Variants in EPHA10 observed in about 807,000 individuals in gnomAD.
EPHA10 encodes ephrin type-A receptor 10.
Under a neutral mutation model 109.7 loss-of-function variants are expected in EPHA10, and 120 were observed. The ratio of observed to expected loss-of-function variants is 1.09; its 90% confidence interval spans 0.94 to 1.27. The LOEUF (loss-of-function observed/expected upper bound fraction) is 1.27, where lower values mean the gene tolerates loss of function less well. Among genes scored for constraint, EPHA10 ranks in the 50% most tolerant of loss-of-function variants. The pLI is 0.00. For synonymous variants in EPHA10, 640 were observed against 618.9 expected, an observed-to-expected ratio of 1.03 and a Z score of -0.51; for missense variants, 1,396 against 1,411.1, an observed-to-expected ratio of 0.99 and a Z score of 0.17.
chr1:37,730,456 G>C (rs1454069655), intron 7 of EPHA10, among the ~76,000 whole-genome samples: 1 of 152,180 alleles, frequency 6.6e-6, no homozygotes, highest in Non-Finnish European at 1.5e-5. Context: ...GTTAGCAGCA[G>C]GCAAAGCAAC....
At position 37,750,487 on chromosome 1, in the gene EPHA10, A is replaced by C. The variant is rs55741620; in HGVS notation, c.1357+2389T>G. On this transcript the variant is annotated intron_variant, in intron 5 of 16. Coordinates refer to ENST00000373048, the MANE Select transcript of EPHA10 (RefSeq NM_001099439.2). Reference sequence around the variant, plus strand: ...AGGGAAGTGACAAGATTTGAGAATCAGAAAATGAATGTAAAACCTAAGGCT... The same window carrying C: ...AGGGAAGTGACAAGATTTGAGAATCCGAAAATGAATGTAAAACCTAAGGCT... 1.1e-4 allele frequency among the ~76,000 whole-genome samples: 17 copies of C among 152,236 alleles called. No homozygotes were observed. In the South Asian group the frequency reaches 3.5e-3, roughly 32 times the overall value.
At chr1:37,743,836 A>G (rs994764758) in intron 5 of EPHA10, among the ~76,000 whole-genome samples, 1 of 152,226 alleles carries the variant, frequency 6.6e-6, no homozygotes, top group African/African-American at 2.4e-5. Flanking sequence ...TCAACTTATA[A>G]TAAGCCCAAT....
chr1:37,715,598 A>G (rs576933666), downstream of EPHA10, among the ~76,000 whole-genome samples: 2 of 152,280 alleles, frequency 1.3e-5, no homozygotes, highest in East Asian at 3.9e-4. Context: ...TCTGCCGCAC[A>G]TCCCACAGGC....
At chr1:37,722,303 G>C (rs1266169753) in intron 10 of EPHA10, 1 of 248,800 alleles carries the variant, frequency 4.0e-6, no homozygotes, top group Admixed American at 5.1e-5. Context: ...AAGCCTTAAA[G>C]AAAGGACAGG....
intron 5 of EPHA10, among the ~76,000 whole-genome samples, chr1:37,751,253 A>AC (rs1646321361): frequency 6.7e-6 from 1 of 150,136 alleles, no homozygotes; most frequent in Non-Finnish European, 1.5e-5. Context: ...AAAAAAAAAA[A>AC]AGAAATCCAT....
At chr1:37,737,023 C>A (rs1052617892) in intron 5 of EPHA10, among the ~76,000 whole-genome samples, 1 of 152,154 alleles carries the variant, frequency 6.6e-6, no homozygotes, top group African/African-American at 2.4e-5. Flanking sequence ...GTCTCTACTA[C>A]CAAAAGTGAT....
Position 37,753,097 on chromosome 1 carries a change from C to G in EPHA10, c.1136G>C (p.Arg379Pro). 2.2e-6 allele frequency: 3 copies of G among 1,358,776 alleles called. No homozygotes were observed. The highest frequency in any genetic ancestry group is 2.8e-6 in the Non-Finnish European group (3 of 1,053,848). The allele number at this position is 1,358,776 out of a possible 1,614,324, so 84.2% of individuals were successfully genotyped here. ...SDVTYSLLCL[R>P]CGREGPAGAC... ...GCCCGCCGGGCCCTCGCGGCCGCAG[C>G]GCAGGCACAGCAGCGAGTAGGTGAC... The change falls in exon 5 of 17, where the codon CGC becomes CCC. Residue 379 changes from arginine to proline, a missense_variant. Transcript: ENST00000373048.
chr1:37,744,355 CA>C lies in EPHA10; in HGVS notation c.1357+8520del, dbSNP rs59431284. Among the ~76,000 whole-genome samples, 593 of 122,998 alleles carry C rather than the reference CA, an allele frequency of 4.8e-3. 1 individual carries two copies. The highest frequency in any genetic ancestry group is 0.02 in the East Asian group (88 of 4,404). 80.7% of individuals were successfully genotyped at this position (122,998 alleles called of 152,430 possible). On this transcript the variant is annotated intron_variant, in intron 5 of 16. Coordinates refer to ENST00000373048, the MANE Select transcript of EPHA10 (RefSeq NM_001099439.2). ...GGTAAAACTGTCTCAACTAAAAATA[CA>C]AAAAAAAAAAAAAATTAGCTGGGTG...
intron 13 of EPHA10, 74 bp from the exon 14 acceptor site, chr1:37,720,132 G>C: frequency 6.4e-7 from 1 of 1,569,634 alleles, no homozygotes. Context: ...CTGAGCCCCA[G>C]ATCCAGCCTG....
intron 5 of EPHA10, among the ~76,000 whole-genome samples, chr1:37,744,432 A>G (rs535099483): frequency 1.3e-5 from 2 of 152,184 alleles, no homozygotes; most frequent in East Asian, 1.9e-4. Context: ...AGGCAGGAGA[A>G]CCATTTGAAC....
chr1:37,736,405 G>A (rs1646071092), intron 5 of EPHA10, among the ~76,000 whole-genome samples: 1 of 150,858 alleles, frequency 6.6e-6, no homozygotes, highest in Non-Finnish European at 1.5e-5. Context: ...GAACCCGGGA[G>A]GTGGAGGTTG....
Position 37,735,355 on chromosome 1 carries a change from C to T in EPHA10, c.1393G>A (p.Val465Met). The T allele has an allele frequency of 6.3e-7, 1 of 1,577,714 alleles. No individual in the cohort carries two copies. Among genetic ancestry groups the T allele is most frequent in the Non-Finnish European group, 8.6e-7 (1 of 1,161,706 alleles). The change falls in exon 6 of 17, where the codon GTG becomes ATG. Residue 465 changes from valine (V) to methionine (M), a missense_variant. Physicochemically the swap from Val to Met is conservative, Grantham distance 21. Transcript: ENST00000373048. Reference protein sequence around the residue: ...WEEDEIRRDRVEPQSVSLSWR... With the variant: ...WEEDEIRRDRMEPQSVSLSWR... ...GACAGGGACACGCTCTGGGGTTCCA[C>T]TCGGTCCCTGCGGATCTCATCCTCC...
Position 37,720,449 on chromosome 1 carries a change from C to A in EPHA10, c.2314G>T (p.Ala772Ser), listed in dbSNP as rs1645771790. Residue 772 changes from alanine (A) to serine (S), a missense_variant, in exon 13 of 17, where the codon GCA (alanine) becomes TCA (serine). Coordinates refer to ENST00000373048, the MANE Select transcript of EPHA10 (RefSeq NM_001099439.2). ...SEMGYVHRGLAARHVLVSSDL... is the reference protein window; with the variant it reads ...SEMGYVHRGLSARHVLVSSDL... ...CTGCTGACCAGCACATGGCGAGCTG[C>A]CAGGCCCCGGTGAACGTAGCCCATC... 6.2e-7 allele frequency: 1 copy of A among 1,613,594 alleles called. No individual in the cohort carries two copies. The highest frequency in any genetic ancestry group is 1.1e-5 in the South Asian group (1 of 91,070).
chr1:37,754,295 A>G lies in EPHA10; in HGVS notation c.926T>C (p.Leu309Pro). 7.6e-7 allele frequency: 1 copy of G among 1,319,314 alleles called. No individual in the cohort carries two copies. The highest frequency in any genetic ancestry group is 9.7e-7 in the Non-Finnish European group (1 of 1,028,302). The allele number at this position is 1,319,314 out of a possible 1,614,324, so 81.7% of individuals were successfully genotyped here. The part of the protein sequence containing the change: ...CSPCPEHSRA[L>P]ENASTFCVCQ... Reference sequence around the variant, plus strand: ...CACGCAGAAGGTGGAGGCGTTTTCCAGGGCCCGGCTGTGCTCTGGGCACGG... The same window carrying G: ...CACGCAGAAGGTGGAGGCGTTTTCCGGGGCCCGGCTGTGCTCTGGGCACGG... Residue 309 changes from leucine (L) to proline (P), a missense_variant, in exon 4 of 17, where the codon CTG (leucine) becomes CCG (proline). Leu to Pro is a moderately conservative substitution (Grantham distance 98, BLOSUM62 -3). Transcript: ENST00000373048. This position sits in a 1 kb window ranked among gnomAD's most constrained non-coding sequence, Gnocchi z 4.5.
rs560699347 is a variant in EPHA10 at position 37,727,266 on chromosome 1, C to T, written c.1664-56G>A. 12 of 1,437,668 alleles carry T rather than the reference C, an allele frequency of 8.3e-6. 1 individual carries two copies. Among genetic ancestry groups the T allele is most frequent in the Non-Finnish European group, 1.1e-5 (12 of 1,059,070 alleles). The allele number at this position is 1,437,668 out of a possible 1,614,324, so 89.1% of individuals were successfully genotyped here. On this transcript the variant is annotated intron_variant, in intron 7 of 16. Coordinates refer to ENST00000373048, the MANE Select transcript of EPHA10 (RefSeq NM_001099439.2). ...CAGAGGACCAGGCTCCTAGGCAAGC[C>T]CCAGGGCAGACTCCTGTCCTCACCC...
At chr1:37,745,910 A>G (rs1436354753) in intron 5 of EPHA10, among the ~76,000 whole-genome samples, 3 of 152,078 alleles carry the variant, frequency 2.0e-5, no homozygotes, top group Non-Finnish European at 4.4e-5. Flanking sequence ...TGGCTTTCAT[A>G]ACAAAAATTT....
chr1:37,727,240 G>A (rs1432754537), intron 7 of EPHA10, 30 bp from the exon 8 acceptor site: 3 of 1,564,056 alleles, frequency 1.9e-6, no homozygotes, highest in African/African-American at 1.4e-5. Context: ...GTTGAGGCAG[G>A]CAGAGGACCA....
intron 5 of EPHA10, among the ~76,000 whole-genome samples, chr1:37,746,287 A>C (rs1212599677): frequency 6.6e-6 from 1 of 151,804 alleles, no homozygotes; most frequent in Non-Finnish European, 1.5e-5. Flanking sequence ...TTTAGTAGAG[A>C]TGGGGTTTCT....
At chr1:37,715,319 C>T (rs563298842), downstream of EPHA10, among the ~76,000 whole-genome samples, 32 of 152,226 alleles carry the variant, frequency 2.1e-4, no homozygotes, top group South Asian at 6.2e-3. Flanking sequence ...CATGAGCCAC[C>T]GAACCCGGCC....
Sources: gnomAD v4.1 joint callset for allele counts (sites outside exome capture counted in the v4.1 genomes callset) on GRCh38, gnomAD v4.1.1 for gene constraint, Gnocchi (gnomAD v3.1) non-coding constraint, MANE v1.5 for transcripts, NCBI Gene and HGNC (gene_info 2026-07-23, HGNC 2026-07-21) for gene names.